The following HCN1 variants were observed in gnomAD, a reference collection of about 807,000 sequenced individuals.
The protein encoded by HCN1 is hyperpolarization activated cyclic nucleotide gated potassium channel 1.
HCN1 carries 13 observed loss-of-function variants against 78.9 expected under a neutral mutation model. The ratio of observed to expected loss-of-function variants is 0.16; its 90% CI spans 0.11 to 0.26. HCN1 has a LOEUF of 0.26. Among genes scored for constraint, HCN1 ranks in the 10% least tolerant of loss-of-function variants. The pLI is 1.00. For missense variants in HCN1, 810 were observed against 1,154.3 expected, an observed-to-expected ratio of 0.70 and a Z score of 4.32; for synonymous variants, 552 against 455.5, an observed-to-expected ratio of 1.21 and a Z score of -2.70.
chr5:45,537,179 A>G, intron 2 of HCN1, among the ~76,000 whole-genome samples: 1 of 152,136 alleles, frequency 6.6e-6, no homozygotes. Flanking sequence ...CTTAGGCATA[A>G]AAAACAACAT....
chr5:45,650,969 C>T (rs549724042), intron 1 of HCN1, among the ~76,000 whole-genome samples: 1 of 151,832 alleles, frequency 6.6e-6, no homozygotes, highest in African/African-American at 2.4e-5. Flanking sequence ...TTTAAATAAT[C>T]GTCATACTTT....
intron 3 of HCN1, among the ~76,000 whole-genome samples, chr5:45,443,976 C>A (rs1012815316): frequency 1.3e-5 from 2 of 151,998 alleles, no homozygotes; most frequent in African/African-American, 4.8e-5. Context: ...GTTATGAACC[C>A]AAAGCAGCTA....
At position 45,469,813 on chromosome 5, in the gene HCN1, GT is replaced by G. The variant is rs755314047; in HGVS notation, c.850-7807del. ...TGTGTGTGTGTGTGTGTGTGTTTGT[GT>G]GAATGTAGAGAAAGATGGTGAAAAA... On this transcript the variant is annotated intron_variant, in intron 2 of 7. Transcript: ENST00000303230. Among the ~76,000 whole-genome samples, 558 of 151,820 alleles carry G rather than the reference GT, an allele frequency of 3.7e-3. 1 individual carries two copies. The highest frequency in any genetic ancestry group is 5.5e-3 in the Non-Finnish European group (370 of 67,806).
At chr5:45,687,525 A>T (rs1428090980) in intron 1 of HCN1, among the ~76,000 whole-genome samples, 1 of 151,874 alleles carries the variant, frequency 6.6e-6, no homozygotes, top group Non-Finnish European at 1.5e-5. Context: ...CTGTTTTTTA[A>T]ATTTCTTACT....
chr5:45,570,368 C>A (rs1348264523), intron 2 of HCN1, among the ~76,000 whole-genome samples: 2 of 151,994 alleles, frequency 1.3e-5, no homozygotes, highest in African/African-American at 4.8e-5. Context: ...TGACACATTT[C>A]TTTTTTCACC....
chr5:45,550,091 G>A lies in HCN1; in HGVS notation c.850-88084C>T, dbSNP rs973594700. Among the ~76,000 whole-genome samples, 13 of 152,126 alleles carry A rather than the reference G, an allele frequency of 8.5e-5. No individual in the cohort carries two copies. In the East Asian group the frequency reaches 1.5e-3, roughly 18 times the overall value. On this transcript the variant is annotated intron_variant, in intron 2 of 7. Transcript: ENST00000303230. ...CAACCATTGTGGAAGTCAGTGTGGC[G>A]ATTCCTCAGGGATCTAGAACTAGAA...
At chr5:45,455,858 T>A (rs1741019536) in intron 3 of HCN1, among the ~76,000 whole-genome samples, 1 of 151,362 alleles carries the variant, frequency 6.6e-6, no homozygotes, top group Admixed American at 6.6e-5. Context: ...AGGCCATTAA[T>A]TATTAATTAA....
chr5:45,484,022 T>C (rs1390174016), intron 2 of HCN1, among the ~76,000 whole-genome samples: 1 of 152,204 alleles, frequency 6.6e-6, no homozygotes, highest in African/African-American at 2.4e-5. Context: ...TTATTGTGGC[T>C]TTAAAATATA....
intron 2 of HCN1, among the ~76,000 whole-genome samples, chr5:45,538,954 T>A (rs1269088048): frequency 2.0e-5 from 3 of 152,182 alleles, no homozygotes; most frequent in Non-Finnish European, 4.4e-5. Flanking sequence ...ACCAGTGGGC[T>A]CTCTTTCCTT....
rs189052723 is a variant in HCN1, at chr5:45,363,437, A to T, written c.1231-10191T>A. On this transcript the variant is annotated intron_variant, in intron 4 of 7. Coordinates refer to ENST00000303230, the MANE Select transcript of HCN1 (RefSeq NM_021072.4). ...AGGGACTTGAGTCTCCAGATTAATA[A>T]CAGCCCCTATCCTTCAGAGAAACAA... Among the ~76,000 whole-genome samples, 62 of 151,896 alleles carry T rather than the reference A, an allele frequency of 4.1e-4. 1 individual carries two copies. Among genetic ancestry groups the T allele is most frequent in the African/African-American group, 1.5e-3 (62 of 41,450 alleles).
intron 3 of HCN1, among the ~76,000 whole-genome samples, chr5:45,423,876 C>T (rs1483941937): frequency 6.6e-6 from 1 of 152,064 alleles, no homozygotes; most frequent in Non-Finnish European, 1.5e-5. Context: ...CCTACCTAAA[C>T]CTCTTTGAGA....
chr5:45,379,060 T>G (rs955107027), intron 4 of HCN1, among the ~76,000 whole-genome samples: 1 of 152,136 alleles, frequency 6.6e-6, no homozygotes, highest in Admixed American at 6.6e-5. Context: ...TTTGCTATTG[T>G]GAATAGTGCC....
intron 5 of HCN1, among the ~76,000 whole-genome samples, chr5:45,348,439 T>A (rs1746799443): frequency 6.6e-6 from 1 of 152,102 alleles, no homozygotes. Flanking sequence ...CCATCAAGGC[T>A]AGGAAGAAAC....
chr5:45,420,717 C>T (rs893964363), intron 3 of HCN1, among the ~76,000 whole-genome samples: 11 of 152,144 alleles, frequency 7.2e-5, no homozygotes, highest in African/African-American at 2.7e-4. Context: ...TACACACACA[C>T]ACAAACACAC....
chr5:45,583,933 A>G (rs568252204), intron 2 of HCN1, among the ~76,000 whole-genome samples: 1 of 152,180 alleles, frequency 6.6e-6, no homozygotes, highest in Admixed American at 6.5e-5. Flanking sequence ...TTTGTTGAGG[A>G]GTGCTTTACT....
chr5:45,296,525 T>C (rs1745497712), intron 6 of HCN1, among the ~76,000 whole-genome samples: 1 of 151,754 alleles, frequency 6.6e-6, no homozygotes. Flanking sequence ...AGAAGAAAGA[T>C]TGAAAAATCA....
intron 1 of HCN1, among the ~76,000 whole-genome samples, chr5:45,693,749 T>A (rs933632791): frequency 3.3e-5 from 5 of 152,198 alleles, no homozygotes. Context: ...GGAAAAAGTT[T>A]AATTACTTGA....
intron 2 of HCN1, among the ~76,000 whole-genome samples, chr5:45,522,941 C>T (rs1011762152): frequency 6.6e-6 from 1 of 151,740 alleles, no homozygotes; most frequent in African/African-American, 2.4e-5. Flanking sequence ...ATGTGCCATG[C>T]TAGTGTGCTG....
chr5:45,374,058 T>TATAC (rs1554021277), intron 4 of HCN1, among the ~76,000 whole-genome samples: 111 of 95,318 alleles, frequency 1.2e-3, no homozygotes, highest in African/African-American at 4.9e-3. Context: ...ATATATATTA[T>TATAC]ATATATAATA....
Sources: gnomAD v4.1 joint callset for allele counts (sites outside exome capture counted in the v4.1 genomes callset) on GRCh38, gnomAD v4.1.1 for gene constraint, MANE v1.5 for transcripts, NCBI Gene and HGNC (gene_info 2026-07-23, HGNC 2026-07-21) for gene names.